The following MAP3K20 variants were observed in gnomAD, a reference collection of about 807,000 sequenced individuals.
MAP3K20 encodes the protein HCCS-4.
In MAP3K20, 40 loss-of-function variants were observed where a neutral mutation model predicts 85.7. The observed-to-expected ratio is 0.47, with a 90% CI of 0.36 to 0.61. MAP3K20 has a LOEUF of 0.61. Among genes scored for constraint, MAP3K20 ranks in the 20% least tolerant of loss-of-function variants. The pLI, the probability that MAP3K20 is intolerant of heterozygous loss-of-function variation, is 0.00. For synonymous variants in MAP3K20, 325 were observed against 327.7 expected (o/e 0.99, Z 0.09); for missense variants, 817 against 961.7 (o/e 0.85, Z 1.99).
At chr2:173,229,414 G>A (rs1363804302) in intron 11 of MAP3K20, among the ~76,000 whole-genome samples, 1 of 152,122 alleles carries the variant, frequency 6.6e-6, no homozygotes, top group Non-Finnish European at 1.5e-5. Flanking sequence ...TGACTGCTGA[G>A]GCTTGATTGT....
intron 2 of MAP3K20, among the ~76,000 whole-genome samples, chr2:173,107,693 A>G (rs906763343): frequency 2.0e-5 from 3 of 152,152 alleles, no homozygotes; most frequent in African/African-American, 7.2e-5. Context: ...TCCACTACTT[A>G]TTAGATTTAT....
chr2:173,195,667 A>ATCTG (rs1474350342), intron 7 of MAP3K20, among the ~76,000 whole-genome samples: 2 of 152,120 alleles, frequency 1.3e-5, no homozygotes, highest in African/African-American at 4.8e-5. Context: ...CTGATGTCCT[A>ATCTG]TCTTATACCA....
At chr2:173,103,054 AAAAAGAAAAAAAAG>A (rs1687679005) in intron 2 of MAP3K20, among the ~76,000 whole-genome samples, 1 of 152,174 alleles carries the variant, frequency 6.6e-6, no homozygotes, top group South Asian at 2.1e-4. Context: ...ACTCCATCTC[AAAAAGAAAAAAAAG>A]AAAAGAAAAA....
chr2:173,148,688 AG>A (rs1326893655), intron 2 of MAP3K20, among the ~76,000 whole-genome samples: 1 of 152,194 alleles, frequency 6.6e-6, no homozygotes, highest in Non-Finnish European at 1.5e-5. Context: ...GATGCCTGGA[AG>A]CGGTGTGCAG....
rs184232942 is a variant in MAP3K20 at position 173,227,413 on chromosome 2, T to G, written c.988-2276T>G. Among the ~76,000 whole-genome samples, 52 of 152,120 alleles carry G rather than the reference T, an allele frequency of 3.4e-4. No homozygotes were observed. The East Asian group carries it at 8.9e-3, about 26-fold the overall frequency. Reference sequence around the variant, plus strand: ...CAAGGTACAGAAAACATAAAGGAAATGGTAAGCCACTCTGTGGCTGGAGAT... The same window carrying G: ...CAAGGTACAGAAAACATAAAGGAAAGGGTAAGCCACTCTGTGGCTGGAGAT... On this transcript the variant is annotated intron_variant, in intron 11 of 19. Coordinates refer to ENST00000375213, the MANE Select transcript of MAP3K20 (RefSeq NM_016653.3).
intron 16 of MAP3K20, among the ~76,000 whole-genome samples, chr2:173,246,068 G>A (rs1684905812): frequency 6.6e-6 from 1 of 152,070 alleles, no homozygotes; most frequent in Non-Finnish European, 1.5e-5. Context: ...CGTACTTCTG[G>A]TGAGCACTTT....
At chr2:173,192,450 G>A (rs1250849253) in intron 7 of MAP3K20, among the ~76,000 whole-genome samples, 2 of 152,068 alleles carry the variant, frequency 1.3e-5, no homozygotes, top group East Asian at 3.9e-4. Context: ...GTTTTTGACC[G>A]AAGGCTAGAA....
rs149371992 is a variant in MAP3K20 at position 173,092,471 on chromosome 2, A to G, written c.159+1281A>G. 9.1e-4 allele frequency among the ~76,000 whole-genome samples: 138 copies of G among 152,276 alleles called. 1 individual carries two copies. The East Asian group carries it at 0.02, about 22-fold the overall frequency. ...TAGGAAGCATTATTGTCCCCATTTTATGGATTGGGAAATAGAGCTTTGCGA... is the reference window on the plus strand; with the variant it reads ...TAGGAAGCATTATTGTCCCCATTTTGTGGATTGGGAAATAGAGCTTTGCGA... On this transcript the variant is annotated intron_variant, in intron 2 of 19. Coordinates refer to ENST00000375213, the MANE Select transcript of MAP3K20 (RefSeq NM_016653.3).
At chr2:173,076,714 C>G (rs1301367418) in intron 1 of MAP3K20, among the ~76,000 whole-genome samples, 1 of 152,254 alleles carries the variant, frequency 6.6e-6, no homozygotes, top group East Asian at 1.9e-4. Context: ...GCATGAAGCG[C>G]CCGCCCTCTC....
chr2:173,207,845 A>C (rs980713506), intron 9 of MAP3K20, among the ~76,000 whole-genome samples: 1 of 152,066 alleles, frequency 6.6e-6, no homozygotes, highest in Admixed American at 6.5e-5. Context: ...TACTCATAGA[A>C]TATTATTACC....
intron 2 of MAP3K20, among the ~76,000 whole-genome samples, chr2:173,123,526 C>T (rs149920020): frequency 6.6e-6 from 1 of 152,248 alleles, no homozygotes; most frequent in East Asian, 1.9e-4. Context: ...CCAGGTGAGG[C>T]TACTCAGCAA....
At chr2:173,134,424 A>T (rs1306574742) in intron 2 of MAP3K20, among the ~76,000 whole-genome samples, 1,750 of 4,838 alleles carry the variant, frequency 0.36, 236 homozygotes, top group Non-Finnish European at 0.43. Flanking sequence ...ATATATATAT[A>T]TATATTTTTT....
chr2:173,138,709 G>C (rs1688875491), intron 2 of MAP3K20, among the ~76,000 whole-genome samples: 1 of 152,174 alleles, frequency 6.6e-6, no homozygotes, highest in African/African-American at 2.4e-5. Flanking sequence ...CTCTGTGTCT[G>C]TTGCTTTTTA....
At chr2:173,076,126 G>C in intron 1 of MAP3K20, 124 bp downstream of exon 1, 2 of 723,414 alleles carry the variant, frequency 2.8e-6, no homozygotes, top group Non-Finnish European at 3.4e-6. Flanking sequence ...AGGCGGCCTC[G>C]GGAGGCTCCT....
At chr2:173,261,397 C>T (rs377005841) in intron 18 of MAP3K20, among the ~76,000 whole-genome samples, 1 of 152,144 alleles carries the variant, frequency 6.6e-6, no homozygotes, top group African/African-American at 2.4e-5. Flanking sequence ...GATTGAACAC[C>T]TTCTGTATAC....
chr2:173,214,872 G>GT (rs921892673), intron 10 of MAP3K20, among the ~76,000 whole-genome samples: 110 of 151,978 alleles, frequency 7.2e-4, no homozygotes, highest in African/African-American at 2.0e-3. Context: ...GGGAGCAGCT[G>GT]TTTTTTTTGT....
intron 3 of MAP3K20, 109 bp from the exon 4 acceptor site, chr2:173,182,745 G>C (rs1690366660): frequency 1.3e-6 from 1 of 753,262 alleles, no homozygotes; most frequent in Non-Finnish European, 2.0e-6. Context: ...ATATATTTTT[G>C]ATGTCTTTTG....
intron 2 of MAP3K20, among the ~76,000 whole-genome samples, chr2:173,095,847 C>G (rs559987676): frequency 1.4e-4 from 22 of 152,062 alleles, no homozygotes; most frequent in Non-Finnish European, 2.8e-4. Flanking sequence ...AATATGATCC[C>G]AGGTATAGGT....
intron 2 of MAP3K20, among the ~76,000 whole-genome samples, chr2:173,149,506 A>ATTT (rs11393723): frequency 6.9e-6 from 1 of 145,852 alleles, no homozygotes; most frequent in Non-Finnish European, 1.5e-5. Flanking sequence ...AAAAAAGTTT[A>ATTT]TTTTTTTTTA....
Sources: gnomAD v4.1 joint callset for allele counts (sites outside exome capture counted in the v4.1 genomes callset) on GRCh38, gnomAD v4.1.1 for gene constraint, MANE v1.5 for transcripts, NCBI Gene and HGNC (gene_info 2026-07-23, HGNC 2026-07-21) for gene names.